The following INSC variants were observed in gnomAD, a reference collection of about 807,000 sequenced individuals.
The protein encoded by INSC is protein inscuteable homolog.
Under a neutral mutation model 58.6 loss-of-function variants are expected in INSC, and 67 were observed. The observed-to-expected ratio is 1.14, with a 90% CI of 0.94 to 1.40. The LOEUF is 1.40. Ranked by LOEUF, INSC falls within the 40% of genes most tolerant of loss-of-function variation. The pLI is 0.00. For missense variants in INSC, 714 were observed against 692.0 expected (o/e 1.03, Z -0.36); for synonymous variants, 262 against 276.1 (o/e 0.95, Z 0.51).
At chr11:15,150,655 A>T (rs1260014715) in intron 2 of INSC, among the ~76,000 whole-genome samples, 1 of 152,206 alleles carries the variant, frequency 6.6e-6, no homozygotes, top group Admixed American at 6.5e-5. Context: ...AGAGGTCAGG[A>T]GCAACAGCCT....
In INSC at chr11:15,210,046, GACTT is replaced by G. The variant is rs1850959527; in HGVS notation, c.819+9099_819+9102del. 4.6e-5 allele frequency among the ~76,000 whole-genome samples: 7 copies of G among 152,328 alleles called. No individual in the cohort carries two copies. In the South Asian group the frequency reaches 1.4e-3, roughly 32 times the overall value. On this transcript the variant is annotated intron_variant, in intron 7 of 12. Coordinates refer to ENST00000379556, the MANE Select transcript of INSC (RefSeq NM_001042536.3). ...AGCCCAAGTTCTTAGGTCTCAAAGA[GACTT>G]AGGGAGGTTGGTGGGCCAAGATGAG...
At chr11:15,184,861 CAT>C (rs1045652355) in intron 5 of INSC, among the ~76,000 whole-genome samples, 4 of 152,116 alleles carry the variant, frequency 2.6e-5, no homozygotes, top group African/African-American at 9.7e-5. Context: ...TTCAACAAAA[CAT>C]ATTTGAAGAA....
intron 1 of INSC, among the ~76,000 whole-genome samples, chr11:15,145,977 A>G (rs551087369): frequency 1.3e-5 from 2 of 152,332 alleles, no homozygotes; most frequent in Non-Finnish European, 2.9e-5. Flanking sequence ...CCCTTCAATC[A>G]TCAAACCTGG....
chr11:15,223,184 C>T (rs1055270866), intron 8 of INSC, among the ~76,000 whole-genome samples: 4 of 152,154 alleles, frequency 2.6e-5, no homozygotes, highest in African/African-American at 9.7e-5. Context: ...AAAGATAAGA[C>T]AAAAATTGTA....
intron 7 of INSC, among the ~76,000 whole-genome samples, chr11:15,212,432 C>T (rs1168764108): frequency 6.6e-6 from 1 of 152,070 alleles, no homozygotes; most frequent in African/African-American, 2.4e-5. Context: ...TGGGCCCTGC[C>T]GTGAGCCACT....
At chr11:15,226,449 G>T (rs1380447702) in intron 9 of INSC, among the ~76,000 whole-genome samples, 1 of 152,052 alleles carries the variant, frequency 6.6e-6, no homozygotes, top group Non-Finnish European at 1.5e-5. Context: ...ATAGAATGGG[G>T]GTATTTTAAA....
intron 1 of INSC, among the ~76,000 whole-genome samples, chr11:15,147,355 G>C (rs558895064): frequency 5.3e-5 from 8 of 152,180 alleles, no homozygotes; most frequent in African/African-American, 1.9e-4. Context: ...TGTGTGACCT[G>C]CTGTATCTCA....
chr11:15,222,055 G>A (rs982816855), intron 8 of INSC, among the ~76,000 whole-genome samples: 1 of 152,146 alleles, frequency 6.6e-6, no homozygotes, highest in African/African-American at 2.4e-5. Flanking sequence ...AATGACTGGG[G>A]AAAATGGTTT....
At chr11:15,191,017 G>A (rs1410438935) in intron 6 of INSC, among the ~76,000 whole-genome samples, 70 of 135,236 alleles carry the variant, frequency 5.2e-4, no homozygotes, top group Middle Eastern at 3.9e-3. Context: ...GTCTCACTCT[G>A]TCACCCAGGC....
rs773020434 is a variant in INSC at position 15,190,732 on chromosome 11, A to T, written c.611A>T (p.Asn204Ile). ...ALVRKIDASD[N>I]IYTTESTTGN... Reference sequence around the variant, plus strand: ...GTGAGAAAAATTGATGCCTCAGACAATATCTACACCACAGAGTCCACCACA... The same window carrying T: ...GTGAGAAAAATTGATGCCTCAGACATTATCTACACCACAGAGTCCACCACA... The change falls in exon 6 of 13, where the codon AAT becomes ATT. Residue 204 changes from asparagine to isoleucine, a missense_variant. Coordinates refer to ENST00000379556, the MANE Select transcript of INSC (RefSeq NM_001042536.3). The T allele has an allele frequency of 8.7e-6, 14 of 1,613,802 alleles. No individual in the cohort carries two copies. Among genetic ancestry groups the T allele is most frequent in the Non-Finnish European group, 1.2e-5 (14 of 1,179,830 alleles).
intron 12 of INSC, among the ~76,000 whole-genome samples, chr11:15,243,901 T>C (rs555310411): frequency 1.5e-4 from 22 of 147,506 alleles, no homozygotes; most frequent in African/African-American, 5.6e-4. Context: ...TTTTTTTTTT[T>C]TCCTCCATCT....
intron 1 of INSC, among the ~76,000 whole-genome samples, chr11:15,127,797 C>T (rs867141089): frequency 6.6e-6 from 1 of 152,226 alleles, no homozygotes; most frequent in Middle Eastern, 3.4e-3. Context: ...CTAGAGAGAA[C>T]TTGAGTTCAC....
At chr11:15,218,698 C>G (rs1163261296) in intron 7 of INSC, among the ~76,000 whole-genome samples, 2 of 152,134 alleles carry the variant, frequency 1.3e-5, no homozygotes, top group Non-Finnish European at 2.9e-5. Flanking sequence ...ATAAGCAACT[C>G]CACACATCCT....
At chr11:15,172,044 C>T (rs1849419746) in intron 2 of INSC, among the ~76,000 whole-genome samples, 1 of 152,188 alleles carries the variant, frequency 6.6e-6, no homozygotes, top group African/African-American at 2.4e-5. Flanking sequence ...GGAAAAACTG[C>T]AGCCTGGGTA....
At chr11:15,118,493 T>C (rs545264917) in intron 1 of INSC, among the ~76,000 whole-genome samples, 1 of 152,278 alleles carries the variant, frequency 6.6e-6, no homozygotes, top group African/African-American at 2.4e-5. Flanking sequence ...TTATATCTTA[T>C]GTCAACCCAA....
intron 9 of INSC, among the ~76,000 whole-genome samples, chr11:15,230,013 A>ATATTAT (rs1491490993): frequency 7.5e-4 from 18 of 23,852 alleles, no homozygotes; most frequent in African/African-American, 3.1e-3. Flanking sequence ...ATATATATAT[A>ATATTAT]ATATATATAT....
intron 7 of INSC, among the ~76,000 whole-genome samples, chr11:15,213,539 G>A (rs1358175191): frequency 6.6e-6 from 1 of 152,056 alleles, no homozygotes; most frequent in African/African-American, 2.4e-5. Context: ...CACCCCCAAA[G>A]CACCTTCAGA....
At chr11:15,185,726 G>C (rs1195128693) in intron 5 of INSC, among the ~76,000 whole-genome samples, 1 of 152,118 alleles carries the variant, frequency 6.6e-6, no homozygotes, top group Non-Finnish European at 1.5e-5. Context: ...TTAAGTGAAT[G>C]ATGATGGTAT....
chr11:15,246,186 CT>C lies in INSC; in HGVS notation c.*148del. On this transcript the variant is annotated 3_prime_UTR_variant, in exon 13 of 13. Transcript: ENST00000379556. ...GTGTGAAATAAATGGAGGACAAAAT[CT>C]TAGAGCAACATCATCAAACAGTCTT... 1 of 729,410 alleles carries C rather than the reference CT, an allele frequency of 1.4e-6. No individual in the cohort carries two copies. The highest frequency in any genetic ancestry group is 2.1e-6 in the Non-Finnish European group (1 of 470,642). 45.2% of individuals were successfully genotyped at this position (729,410 alleles called of 1,614,324 possible). A position where few individuals can be genotyped will look rare whatever the true frequency, so the allele number is the denominator to read the frequency against.
Sources: allele counts gnomAD v4.1 joint callset (sites outside exome capture counted in the v4.1 genomes callset), GRCh38; gene constraint gnomAD v4.1.1; transcripts MANE v1.5; gene names NCBI Gene and HGNC (gene_info 2026-07-23, HGNC 2026-07-21).